Variants in PUF60 observed in about 807,000 individuals in gnomAD.
PUF60 encodes the protein poly(U) binding splicing factor 60.
In PUF60, 10 loss-of-function variants were observed where a neutral mutation model predicts 61.8. The ratio of observed to expected loss-of-function variants is 0.16; its 90% CI spans 0.10 to 0.27. The LOEUF is 0.27. PUF60 is among the 10% of genes least tolerant of loss of function. PUF60 has a pLI of 1.00. For synonymous variants in PUF60, 353 were observed against 300.9 expected, an observed-to-expected ratio of 1.17 and a Z score of -1.79; for missense variants, 371 against 754.0, an observed-to-expected ratio of 0.49 and a Z score of 5.95.
intron 4 of PUF60, chr8:143,821,284 G>T: frequency 1.9e-6 from 1 of 538,178 alleles, no homozygotes; most frequent in Non-Finnish European, 3.3e-6. Flanking sequence ...GCTGTGCACA[G>T]CTGGGGCAGG....
chr8:143,825,782 T>C (rs942864936), intron 1 of PUF60, among the ~76,000 whole-genome samples: 1 of 152,228 alleles, frequency 6.6e-6, no homozygotes, highest in Admixed American at 6.5e-5. Flanking sequence ...TGCCTCTCAT[T>C]GCCCACAGCA....
intron 4 of PUF60, among the ~76,000 whole-genome samples, 159 bp from the exon 5 acceptor site, chr8:143,820,875 G>A (rs538551889): frequency 2.0e-5 from 3 of 152,194 alleles, no homozygotes; most frequent in Non-Finnish European, 4.4e-5. Context: ...TGCCCAGGGG[G>A]GCCGCAGCGC....
Position 143,817,921 on chromosome 8 carries a change from T to A in PUF60, c.758A>T (p.Lys253Met), listed in dbSNP as rs1187566046. The A allele has an allele frequency of 3.7e-6, 6 of 1,612,764 alleles. No homozygotes were observed. The highest frequency in any genetic ancestry group is 5.1e-6 in the Non-Finnish European group (6 of 1,179,852). ...GGGGTCCCGGGCCAGTGTGCAGGAC[T>A]TGATCTTGCCAAAGGCCTCAAACAC... ...KSVFEAFGKIKSCTLARDPTT... is the reference protein window; with the variant it reads ...KSVFEAFGKIMSCTLARDPTT... The change falls in exon 8 of 12, where the codon AAG (lysine) becomes ATG (methionine). Residue 253 changes from lysine (K) to methionine (M), a missense_variant. Coordinates refer to ENST00000526683, the MANE Select transcript of PUF60 (RefSeq NM_078480.3). The surrounding 1 kb of genome is among the most constrained non-coding windows in gnomAD (Gnocchi z 7.4).
Position 143,817,302 on chromosome 8 carries a change from G to A in PUF60, c.1144+29C>T, listed in dbSNP as rs761971031. The A allele has an allele frequency of 1.3e-6, 2 of 1,573,404 alleles. No individual in the cohort carries two copies. The highest frequency in any genetic ancestry group is 2.0e-5 in the Admixed American group (1 of 49,574). ...GCCGAGAGATGCCAGGACAGGAGAG[G>A]AGAGGATCTGGTACCACTTAAGACT... On this transcript the variant is annotated intron_variant, in intron 10 of 11. Transcript: ENST00000526683. The surrounding 1 kb of genome is among the most constrained non-coding windows in gnomAD (Gnocchi z 7.4).
chr8:143,824,275 CG>C (rs1355449176), intron 2 of PUF60, 37 bp downstream of exon 2: 1 of 1,518,790 alleles, frequency 6.6e-7, no homozygotes, highest in Non-Finnish European at 8.9e-7. Flanking sequence ...GGCGGGCAGG[CG>C]GGCGGGCCTG....
intron 5 of PUF60, 70 bp downstream of exon 5, chr8:143,820,596 G>A (rs986150834): frequency 1.3e-6 from 2 of 1,501,678 alleles, no homozygotes; most frequent in African/African-American, 2.8e-5. Flanking sequence ...CCCAGCACGT[G>A]GGCTGCACTG....
chr8:143,827,704 C>T lies in PUF60; in HGVS notation c.24+1576G>A, dbSNP rs77291797. Among the ~76,000 whole-genome samples, 440 of 152,276 alleles carry T rather than the reference C, an allele frequency of 2.9e-3. 11 individuals are homozygous for T. The East Asian group carries it at 0.069, about 24-fold the overall frequency. The stretch of plus-strand genomic sequence containing the variant: ...AGCCGGATGCAAGCCTGAAACCTGA[C>T]GATAAAAAAACACGTATTAAACCCA... On this transcript the variant is annotated intron_variant, in intron 1 of 11. Transcript: ENST00000526683.
Position 143,816,370 on chromosome 8 carries a change from A to G in PUF60, c.*150T>C, listed in dbSNP as rs1009970784. 5.7e-5 allele frequency: 49 copies of G among 862,844 alleles called. No homozygotes were observed. In the South Asian group the frequency reaches 8.2e-4, roughly 15 times the overall value. The allele number at this position is 862,844 out of a possible 1,614,324, so 53.4% of individuals were successfully genotyped here. A position where few individuals can be genotyped will look rare whatever the true frequency, so the allele number is the denominator to read the frequency against. On this transcript the variant is annotated 3_prime_UTR_variant, in exon 12 of 12. Transcript: ENST00000526683. ...CGGTGACAGGACCGACGGCAGACACACGGACGTTCAGGGCCAGCAGCATCC... is the reference window on the plus strand; with the variant it reads ...CGGTGACAGGACCGACGGCAGACACGCGGACGTTCAGGGCCAGCAGCATCC...
intron 1 of PUF60, 33 bp downstream of exon 1, chr8:143,829,246 AG>A: frequency 8.0e-7 from 1 of 1,246,818 alleles, no homozygotes; most frequent in South Asian, 3.3e-5. Context: ...CCGCAAGCCG[AG>A]GGCCGCCCGC....
chr8:143,825,554 G>A (rs559678724), intron 1 of PUF60, among the ~76,000 whole-genome samples: 1 of 152,232 alleles, frequency 6.6e-6, no homozygotes, highest in Admixed American at 6.5e-5. Flanking sequence ...ACAGGGTCTG[G>A]CTCTGTTGCC....
chr8:143,826,500 A>T (rs1166641953), intron 1 of PUF60, among the ~76,000 whole-genome samples: 6 of 152,166 alleles, frequency 3.9e-5, no homozygotes, highest in Non-Finnish European at 1.5e-5. Flanking sequence ...GGATTGCTTG[A>T]GGTCAGGAGT....
chr8:143,827,668 C>G (rs1171931640), intron 1 of PUF60: 1 of 333,692 alleles, frequency 3.0e-6, no homozygotes, highest in African/African-American at 2.2e-5. Flanking sequence ...CAGGCTACAG[C>G]TCACTCCTGG....
intron 2 of PUF60, among the ~76,000 whole-genome samples, chr8:143,823,515 G>A (rs1309015047): frequency 6.6e-6 from 1 of 152,222 alleles, no homozygotes; most frequent in Non-Finnish European, 1.5e-5. Context: ...TGGCCGGCTG[G>A]GCGCCAGCCA....
intron 4 of PUF60, 105 bp from the exon 5 acceptor site, chr8:143,820,821 C>T: frequency 8.9e-7 from 1 of 1,118,262 alleles, no homozygotes; most frequent in Non-Finnish European, 1.3e-6. Context: ...CCCCGCCCTG[C>T]CAGGGAGGCC....
chr8:143,820,497 G>A, intron 5 of PUF60, 169 bp downstream of exon 5: 1 of 738,472 alleles, frequency 1.4e-6, no homozygotes, highest in South Asian at 1.6e-5. Context: ...GGTCCCGGGT[G>A]GGTGCCCACA....
intron 1 of PUF60, among the ~76,000 whole-genome samples, chr8:143,826,836 G>A (rs1172044172): frequency 6.6e-6 from 1 of 152,242 alleles, no homozygotes; most frequent in African/African-American, 2.4e-5. Flanking sequence ...CTACTGTGAA[G>A]ATTCAGTGAA....
intron 4 of PUF60, 80 bp downstream of exon 4, chr8:143,821,517 C>T (rs1294989247): frequency 7.8e-7 from 1 of 1,286,770 alleles, no homozygotes. Context: ...CGGCCGCAGG[C>T]CCAGGAGGAG....
At chr8:143,820,552 G>T in intron 5 of PUF60, 114 bp downstream of exon 5, 1 of 1,213,814 alleles carries the variant, frequency 8.2e-7, no homozygotes, top group Non-Finnish European at 1.2e-6. Flanking sequence ...CTCGTCCAGA[G>T]CTGGCGGGCA....
At chr8:143,822,828 C>T (rs1817175763) in intron 2 of PUF60, 1 of 333,238 alleles carries the variant, frequency 3.0e-6, no homozygotes, top group Non-Finnish European at 6.0e-6. Flanking sequence ...CTGCGCCTGT[C>T]CTCCAGCTCA....
Sources: gnomAD v4.1 joint callset for allele counts (sites outside exome capture counted in the v4.1 genomes callset) on GRCh38, gnomAD v4.1.1 for gene constraint, Gnocchi (gnomAD v3.1) non-coding constraint, MANE v1.5 for transcripts, NCBI Gene and HGNC (gene_info 2026-07-23, HGNC 2026-07-21) for gene names.